CSMD1: variants seen among roughly 807,000 people sequenced by gnomAD.
The protein encoded by CSMD1 is CUB and Sushi multiple domains 1.
Under a neutral mutation model 417.5 loss-of-function variants are expected in CSMD1, and 213 were observed. The observed-to-expected ratio is 0.51, with a 90% CI of 0.46 to 0.57. The LOEUF (loss-of-function observed/expected upper bound fraction) is 0.57. CSMD1 is among the 20% of genes least tolerant of loss of function. CSMD1 has a pLI of 0.00. For missense variants in CSMD1, 6,923 were observed against 4,529.7 expected, an observed-to-expected ratio of 1.53 and a Z score of -15.17; for synonymous variants, 2,862 against 1,736.8, an observed-to-expected ratio of 1.65 and a Z score of -16.11.
At chr8:3,594,224 C>G (rs967427526) in intron 8 of CSMD1, among the ~76,000 whole-genome samples, 1 of 152,156 alleles carries the variant, frequency 6.6e-6, no homozygotes, top group Non-Finnish European at 1.5e-5. Context: ...GAGGCGAGCC[C>G]TGGACCGTAT....
intron 20 of CSMD1, among the ~76,000 whole-genome samples, chr8:3,365,624 G>A (rs1440323260): frequency 6.6e-6 from 1 of 152,150 alleles, no homozygotes; most frequent in South Asian, 2.1e-4. Flanking sequence ...TTAGTAAAAT[G>A]TTAGGTATAT....
intron 2 of CSMD1, among the ~76,000 whole-genome samples, chr8:4,633,583 G>C (rs1263400843): frequency 6.6e-6 from 1 of 151,278 alleles, no homozygotes; most frequent in East Asian, 1.9e-4. Context: ...TTGAGATGAA[G>C]TCTACCTCTG....
chr8:3,956,065 G>GA (rs1407627442), intron 5 of CSMD1, among the ~76,000 whole-genome samples: 26 of 152,306 alleles, frequency 1.7e-4, no homozygotes, highest in African/African-American at 5.5e-4. Flanking sequence ...AAAGTGGTGA[G>GA]ATTATTTGGC....
intron 7 of CSMD1, among the ~76,000 whole-genome samples, chr8:3,677,785 G>A (rs1332597389): frequency 3.3e-5 from 5 of 152,228 alleles, no homozygotes; most frequent in South Asian, 4.1e-4. Flanking sequence ...CAGAGTATAT[G>A]TGCAATTTTT....
intron 3 of CSMD1, among the ~76,000 whole-genome samples, chr8:4,105,039 G>A (rs986650075): frequency 1.3e-5 from 2 of 151,852 alleles, no homozygotes; most frequent in Non-Finnish European, 2.9e-5. Flanking sequence ...AAATGCTAAG[G>A]GCCTAATTCC....
At chr8:4,098,364 T>A (rs1439805768) in intron 3 of CSMD1, among the ~76,000 whole-genome samples, 1 of 151,554 alleles carries the variant, frequency 6.6e-6, no homozygotes, top group Non-Finnish European at 1.5e-5. Flanking sequence ...ATCTTCACTA[T>A]TTTTTTTCTA....
intron 8 of CSMD1, among the ~76,000 whole-genome samples, chr8:3,599,373 GCAT>G (rs969339890): frequency 6.6e-6 from 1 of 152,024 alleles, no homozygotes; most frequent in Admixed American, 6.6e-5. Context: ...CCCCAACTCA[GCAT>G]CATTAACCCC....
At chr8:3,754,433 C>CTTATTAATTATTTATTTAT (rs1797539383) in intron 5 of CSMD1, among the ~76,000 whole-genome samples, 2 of 145,496 alleles carry the variant, frequency 1.4e-5, no homozygotes, top group Non-Finnish European at 3.0e-5. Context: ...TTAGTAATTC[C>CTTATTAATTATTTATTTAT]TTATTTATTT....
chr8:3,601,426 G>C (rs771586302), intron 8 of CSMD1, among the ~76,000 whole-genome samples: 12 of 152,180 alleles, frequency 7.9e-5, no homozygotes, highest in Non-Finnish European at 1.5e-4. Flanking sequence ...AACAGGTTTA[G>C]AAAAGCAAGC....
At chr8:3,149,845 C>T (rs887025637) in intron 40 of CSMD1, among the ~76,000 whole-genome samples, 5 of 152,198 alleles carry the variant, frequency 3.3e-5, no homozygotes, top group Non-Finnish European at 7.3e-5. Context: ...AAAAAAACCA[C>T]ACCTCCTTCA....
intron 11 of CSMD1, among the ~76,000 whole-genome samples, chr8:3,472,193 T>C (rs912438159): frequency 2.6e-5 from 4 of 152,120 alleles, no homozygotes; most frequent in African/African-American, 7.2e-5. Context: ...CTCTCCACTC[T>C]ACTGCAAGGT....
intron 37 of CSMD1, among the ~76,000 whole-genome samples, chr8:3,173,692 T>C (rs1820725622): frequency 6.6e-6 from 1 of 152,184 alleles, no homozygotes; most frequent in Non-Finnish European, 1.5e-5. Context: ...CAGAATGAAA[T>C]CTCTGTAAAC....
chr8:4,464,357 T>G (rs1219692922), intron 2 of CSMD1, among the ~76,000 whole-genome samples: 1 of 152,168 alleles, frequency 6.6e-6, no homozygotes, highest in South Asian at 2.1e-4. Flanking sequence ...CATTGTAAGC[T>G]GAAAAGAGTG....
At chr8:4,497,082 C>T (rs545010746) in intron 2 of CSMD1, among the ~76,000 whole-genome samples, 3 of 152,278 alleles carry the variant, frequency 2.0e-5, no homozygotes, top group East Asian at 1.9e-4. Context: ...GCTAGACAGA[C>T]GCCATCGACA....
intron 1 of CSMD1, among the ~76,000 whole-genome samples, chr8:4,699,357 C>T (rs1030585244): frequency 3.9e-5 from 6 of 152,164 alleles, no homozygotes; most frequent in Admixed American, 2.6e-4. Flanking sequence ...CCAAACCTTA[C>T]TCATCTGAGA....
chr8:4,414,233 G>A (rs944456845), intron 3 of CSMD1, among the ~76,000 whole-genome samples: 1 of 152,102 alleles, frequency 6.6e-6, no homozygotes, highest in Non-Finnish European at 1.5e-5. Context: ...ATGCTTGAGG[G>A]ATGTGTCAGA....
chr8:3,137,854 A>T (rs577970217), intron 41 of CSMD1, among the ~76,000 whole-genome samples: 1 of 152,348 alleles, frequency 6.6e-6, no homozygotes, highest in African/African-American at 2.4e-5. Context: ...CAGAGGGCTG[A>T]CTGTATACAA....
At chr8:4,119,144 G>T (rs915919935) in intron 3 of CSMD1, among the ~76,000 whole-genome samples, 1 of 152,022 alleles carries the variant, frequency 6.6e-6, no homozygotes, top group African/African-American at 2.4e-5. Flanking sequence ...AATGCATGTC[G>T]GGCTTAAAAC....
chr8:4,187,560 C>A (rs1357916552), intron 3 of CSMD1, among the ~76,000 whole-genome samples: 2 of 151,000 alleles, frequency 1.3e-5, no homozygotes, highest in African/African-American at 4.9e-5. Context: ...AGGAGAATCG[C>A]CTGAACCCAG....
Sources: allele counts gnomAD v4.1 joint callset (sites outside exome capture counted in the v4.1 genomes callset), GRCh38; gene constraint gnomAD v4.1.1; transcripts MANE v1.5; gene names NCBI Gene and HGNC (gene_info 2026-07-23, HGNC 2026-07-21).